VPS39: variants seen among roughly 807,000 people sequenced by gnomAD.
The protein encoded by VPS39 is vam6/Vps39-like protein.
In VPS39, 70 loss-of-function variants were observed where a neutral mutation model predicts 121.0. The observed-to-expected ratio is 0.58, with a 90% CI of 0.48 to 0.71. The LOEUF (loss-of-function observed/expected upper bound fraction) is 0.71. VPS39 is among the 30% of genes least tolerant of loss of function. The pLI is 0.00. For missense variants in VPS39, 818 were observed against 1,051.5 expected, an observed-to-expected ratio of 0.78 and a Z score of 3.07; for synonymous variants, 378 against 398.1, an observed-to-expected ratio of 0.95 and a Z score of 0.60.
At chr15:42,164,790 A>T (rs556724346) in intron 18 of VPS39, 1 of 1,433,482 alleles carries the variant, frequency 7.0e-7, no homozygotes, top group African/African-American at 1.4e-5. Flanking sequence ...TGACTCTGAG[A>T]CACTCAGAGA....
At chr15:42,177,733 C>A (rs1305257556) in intron 10 of VPS39, among the ~76,000 whole-genome samples, 2 of 151,780 alleles carry the variant, frequency 1.3e-5, no homozygotes, top group Admixed American at 6.6e-5. Flanking sequence ...GTGGCATGAT[C>A]TTGGCTCACC....
At position 42,208,271 on chromosome 15, in the gene VPS39, C is replaced by T; in HGVS notation, c.-118G>A. ...GATCCGGCCAGGAACCCCCCGGCTA[C>T]AGGCCCTTCAACAACACAGCCATCG... On this transcript the variant is annotated 5_prime_UTR_variant, in exon 1 of 25. Transcript: ENST00000318006. 1.5e-6 allele frequency: 2 copies of T among 1,345,736 alleles called. No homozygotes were observed. The highest frequency in any genetic ancestry group is 1.0e-6 in the Non-Finnish European group (1 of 986,766). 83.4% of individuals were successfully genotyped at this position (1,345,736 alleles called of 1,614,324 possible).
rs752350333 is a variant in VPS39, at chr15:42,163,703, C to A, written c.2052G>T (p.Leu684=). The A allele has an allele frequency of 1.2e-6, 2 of 1,613,318 alleles. No homozygotes were observed. The highest frequency in any genetic ancestry group is 2.7e-5 in the African/African-American group (2 of 74,858). ...FDGLLEERAL[L]LGRMGKHEQA... ...GTTCATGTTTCCCCATGCGCCCCAA[C>A]AGGAGAGCTCGTTCTTCTAAGAGGC... The change falls in exon 20 of 25, where the codon CTG becomes CTT. Residue 684 remains leucine (L), a synonymous_variant. Coordinates refer to ENST00000318006, the MANE Select transcript of VPS39 (RefSeq NM_015289.5).
intron 21 of VPS39, among the ~76,000 whole-genome samples, chr15:42,162,868 G>A (rs2049160699): frequency 6.6e-6 from 1 of 152,190 alleles, no homozygotes; most frequent in African/African-American, 2.4e-5. Context: ...AGTACCACAG[G>A]CTTTCGCAAC....
At chr15:42,199,800 A>G in intron 2 of VPS39, 96 bp downstream of exon 2, 2 of 1,361,410 alleles carry the variant, frequency 1.5e-6, no homozygotes, top group South Asian at 1.5e-5. Flanking sequence ...TCTAACCTTC[A>G]ATCTCTCTTT....
At chr15:42,195,179 G>T (rs2049910918) in intron 2 of VPS39, among the ~76,000 whole-genome samples, 1 of 152,162 alleles carries the variant, frequency 6.6e-6, no homozygotes, top group African/African-American at 2.4e-5. Flanking sequence ...AGTGGCTCAT[G>T]CCTGTAATCC....
chr15:42,202,764 C>G (rs2140892984), intron 1 of VPS39, among the ~76,000 whole-genome samples: 1 of 152,298 alleles, frequency 6.6e-6, no homozygotes, highest in Non-Finnish European at 1.5e-5. Context: ...TACCTCATGA[C>G]AGCCTCCTCC....
intron 2 of VPS39, among the ~76,000 whole-genome samples, chr15:42,199,029 C>G (rs1431141625): frequency 6.6e-6 from 1 of 152,186 alleles, no homozygotes. Context: ...GTTACCCTTG[C>G]TCCAGGTTCC....
intron 1 of VPS39, among the ~76,000 whole-genome samples, chr15:42,207,753 C>G (rs1346508588): frequency 6.6e-6 from 1 of 152,224 alleles, no homozygotes; most frequent in Non-Finnish European, 1.5e-5. Flanking sequence ...TGCTTTGACC[C>G]TCTAAAATGA....
chr15:42,178,667 T>C, intron 8 of VPS39, 97 bp from the exon 9 acceptor site: 1 of 1,504,140 alleles, frequency 6.6e-7, no homozygotes, highest in Non-Finnish European at 9.1e-7. Flanking sequence ...TAAATGGATC[T>C]CCAAAAAGTC....
Position 42,165,808 on chromosome 15 carries a change from A to C in VPS39, c.1689T>G (p.Thr563=). Reference sequence around the variant, plus strand: ...GAGACTCCACTTCCGGGAGATCTTCAGTAAATATCTGTTAGAATGAACCCG... The same window carrying C: ...GAGACTCCACTTCCGGGAGATCTTCCGTAAATATCTGTTAGAATGAACCCG... ...DFPEDGLKIF[T]EDLPEVESLP... Residue 563 remains threonine, a synonymous_variant, in exon 17 of 25, where the codon ACT becomes ACG. Transcript: ENST00000318006. 1.9e-6 allele frequency: 3 copies of C among 1,614,100 alleles called. No homozygotes were observed. The highest frequency in any genetic ancestry group is 2.5e-6 in the Non-Finnish European group (3 of 1,179,952).
At chr15:42,201,107 A>C (rs1431893078) in intron 1 of VPS39, among the ~76,000 whole-genome samples, 1 of 152,170 alleles carries the variant, frequency 6.6e-6, no homozygotes. Flanking sequence ...AATATGTTCT[A>C]AAATTTATTG....
intron 1 of VPS39, among the ~76,000 whole-genome samples, chr15:42,207,046 G>T (rs1213122416): frequency 6.6e-6 from 1 of 152,204 alleles, no homozygotes; most frequent in Non-Finnish European, 1.5e-5. Flanking sequence ...GCTGCTAAAG[G>T]AGGAAGGGTG....
chr15:42,207,898 C>T (rs2050208586), intron 1 of VPS39, among the ~76,000 whole-genome samples, 183 bp downstream of exon 1: 2 of 152,206 alleles, frequency 1.3e-5, no homozygotes, highest in Admixed American at 1.3e-4. Context: ...CCCAAGTAGC[C>T]CCACAGACAT....
intron 12 of VPS39, 75 bp downstream of exon 12, chr15:42,169,646 CCCT>C (rs1005993217): frequency 2.3e-4 from 342 of 1,463,400 alleles, no homozygotes; most frequent in Middle Eastern, 2.3e-3. Context: ...TTAGAGAAGG[CCCT>C]CAATTCCTTG....
intron 11 of VPS39, among the ~76,000 whole-genome samples, chr15:42,171,041 A>G (rs1394102672): frequency 1.3e-5 from 2 of 152,094 alleles, no homozygotes; most frequent in Non-Finnish European, 2.9e-5. Flanking sequence ...GGCCACTCCC[A>G]GATTGTAACA....
At chr15:42,196,097 C>T (rs971135081) in intron 2 of VPS39, among the ~76,000 whole-genome samples, 16 of 152,152 alleles carry the variant, frequency 1.1e-4, no homozygotes, top group Non-Finnish European at 2.1e-4. Context: ...ATAAATGGTG[C>T]TCGGAAAACT....
At chr15:42,172,383 C>T (rs760973970) in intron 11 of VPS39, among the ~76,000 whole-genome samples, 3 of 152,130 alleles carry the variant, frequency 2.0e-5, no homozygotes, top group Non-Finnish European at 2.9e-5. Context: ...CTTCTAGCCC[C>T]GATTTCAAAT....
At chr15:42,188,986 A>C in intron 5 of VPS39, 128 bp downstream of exon 5, 2 of 672,398 alleles carry the variant, frequency 3.0e-6, no homozygotes, top group Non-Finnish European at 5.1e-6. Flanking sequence ...TAAATAAATA[A>C]ATAATCTTTG....
Sources: gnomAD v4.1 joint callset for allele counts (sites outside exome capture counted in the v4.1 genomes callset) on GRCh38, gnomAD v4.1.1 for gene constraint, MANE v1.5 for transcripts, NCBI Gene and HGNC (gene_info 2026-07-23, HGNC 2026-07-21) for gene names.